The following ZFHX3 variants were observed in gnomAD, a reference collection of about 807,000 sequenced individuals.
The protein encoded by ZFHX3 is zinc finger homeobox 3.
Under a neutral mutation model 279.1 loss-of-function variants are expected in ZFHX3, and 42 were observed. The ratio of observed to expected loss-of-function variants is 0.15; its 90% CI spans 0.12 to 0.19. ZFHX3 has a LOEUF of 0.19. ZFHX3 is among the 10% of genes least tolerant of loss of function. The pLI, the probability that ZFHX3 is intolerant of heterozygous loss-of-function variation, is 1.00. For missense variants in ZFHX3, 4,981 were observed against 4,754.0 expected (o/e 1.05, Z -1.40); for synonymous variants, 2,293 against 1,957.8 (o/e 1.17, Z -4.52).
At chr16:73,682,187 T>C (rs906577214) in intron 1 of ZFHX3, among the ~76,000 whole-genome samples, 1 of 152,336 alleles carries the variant, frequency 6.6e-6, no homozygotes, top group Admixed American at 6.5e-5. Flanking sequence ...TAAGGTAATA[T>C]TTGGAAATTG....
At chr16:73,637,230 CTT>C (rs1215790905) in intron 2 of ZFHX3, among the ~76,000 whole-genome samples, 9 of 121,644 alleles carry the variant, frequency 7.4e-5, no homozygotes, top group Non-Finnish European at 7.0e-5. Flanking sequence ...TTTTTTTGTT[CTT>C]TTTTTTTTTT....
At chr16:73,420,050 G>A (rs2017687215) in intron 3 of ZFHX3, 1 of 151,834 alleles carries the variant, frequency 6.6e-6, no homozygotes, top group Non-Finnish European at 1.5e-5. Context: ...GGGACTAAAG[G>A]CATGCACCAC....
At chr16:72,992,441 TC>T (rs2144573457) in intron 1 of ZFHX3, among the ~76,000 whole-genome samples, 1 of 152,312 alleles carries the variant, frequency 6.6e-6, no homozygotes, top group South Asian at 2.1e-4. Flanking sequence ...CTCCAAGCTC[TC>T]CCTGTAAACG....
At chr16:73,037,280 T>C (rs1234262635) in intron 1 of ZFHX3, among the ~76,000 whole-genome samples, 1 of 152,108 alleles carries the variant, frequency 6.6e-6, no homozygotes, top group Non-Finnish European at 1.5e-5. Context: ...TCCATGAAAT[T>C]TCATGGTTAC....
intron 3 of ZFHX3, among the ~76,000 whole-genome samples, chr16:73,392,331 G>T (rs902633685): frequency 7.1e-6 from 1 of 140,118 alleles, no homozygotes; most frequent in Non-Finnish European, 1.5e-5. Context: ...TGAGGCACGG[G>T]ACCCTTGAAC....
chr16:73,433,995 G>T (rs759232522), intron 3 of ZFHX3, among the ~76,000 whole-genome samples: 2 of 152,086 alleles, frequency 1.3e-5, no homozygotes, highest in Admixed American at 6.5e-5. Flanking sequence ...CTTCTGGGAG[G>T]GGGGCGAGCT....
chr16:72,784,547 ATATAT>A lies in ZFHX3; in HGVS notation c.*2612_*2616del, dbSNP rs2035269684. ...ATACAACAGTTAAATGGCAAAAAAT[ATATAT>A]ATATATATTTCATAGAGTTACAAAC... On this transcript the variant is annotated 3_prime_UTR_variant, in exon 10 of 10. Transcript: ENST00000268489. The A allele has an allele frequency of 1.3e-5, 2 of 150,712 alleles. No individual in the cohort carries two copies. Among genetic ancestry groups the A allele is most frequent in the South Asian group, 2.1e-4 (1 of 4,808 alleles). 9.3% of individuals were successfully genotyped at this position (150,712 alleles called of 1,614,324 possible). A position where few individuals can be genotyped will look rare whatever the true frequency, so the allele number is the denominator to read the frequency against.
intron 2 of ZFHX3, among the ~76,000 whole-genome samples, chr16:73,666,983 T>C (rs375405655): frequency 6.6e-6 from 1 of 151,932 alleles, no homozygotes; most frequent in Non-Finnish European, 1.5e-5. Flanking sequence ...TGTACAGATA[T>C]ACAACTTATT....
intron 4 of ZFHX3, among the ~76,000 whole-genome samples, chr16:72,875,550 C>A (rs1307099121): frequency 6.6e-6 from 1 of 152,368 alleles, no homozygotes; most frequent in South Asian, 2.1e-4. Context: ...ATTCAGGGAA[C>A]TGGAGTTGCA....
rs371548816 is a variant in ZFHX3, at chr16:73,646,346, G to GAT, written c.-1547+33832_-1547+33833dup. Among the ~76,000 whole-genome samples, 176 of 151,950 alleles carry GAT rather than the reference G, an allele frequency of 1.2e-3. 3 individuals carry two copies. The highest frequency in any genetic ancestry group is 4.0e-3 in the African/African-American group (166 of 41,452). The stretch of plus-strand genomic sequence containing the variant: ...TGAGGGTACCCACCTCATAATCTAA[G>GAT]ATATATGACCAAAATGATACACAGA... On this transcript the variant is annotated intron_variant, in intron 2 of 17. Transcript: ENST00000641206.
intron 5 of ZFHX3, among the ~76,000 whole-genome samples, chr16:73,226,048 A>G (rs1301636404): frequency 6.6e-6 from 1 of 152,330 alleles, no homozygotes; most frequent in South Asian, 2.1e-4. Context: ...TTCATAAAAT[A>G]CACGACTTAA....
At chr16:72,968,742 C>A (rs952018615) in intron 1 of ZFHX3, among the ~76,000 whole-genome samples, 3 of 152,176 alleles carry the variant, frequency 2.0e-5, no homozygotes, top group African/African-American at 7.2e-5. Context: ...AGATTACAGG[C>A]ATGAGCCACT....
intron 2 of ZFHX3, among the ~76,000 whole-genome samples, chr16:73,596,900 T>C (rs1490391883): frequency 6.6e-6 from 1 of 152,198 alleles, no homozygotes; most frequent in Admixed American, 6.5e-5. Context: ...TCTTCTGCCA[T>C]ATTGATTCTA....
intron 1 of ZFHX3, among the ~76,000 whole-genome samples, chr16:72,977,029 C>A (rs1962380281): frequency 6.6e-6 from 1 of 152,320 alleles, no homozygotes; most frequent in South Asian, 2.1e-4. Flanking sequence ...GCATGCCATC[C>A]CACAAATGGT....
intron 4 of ZFHX3, among the ~76,000 whole-genome samples, chr16:73,291,455 G>C (rs1023490828): frequency 6.6e-6 from 1 of 152,220 alleles, no homozygotes; most frequent in Non-Finnish European, 1.5e-5. Flanking sequence ...GTCCTCCAGA[G>C]ATACGTGTGA....
At chr16:73,312,923 T>C (rs1193959905) in intron 4 of ZFHX3, among the ~76,000 whole-genome samples, 1 of 152,224 alleles carries the variant, frequency 6.6e-6, no homozygotes, top group Admixed American at 6.5e-5. Flanking sequence ...AGATAAGTTT[T>C]GGGTAGGTCA....
At chr16:73,274,171 C>A (rs1277105295) in intron 4 of ZFHX3, among the ~76,000 whole-genome samples, 1 of 152,098 alleles carries the variant, frequency 6.6e-6, no homozygotes, top group African/African-American at 2.4e-5. Flanking sequence ...ATAGTTATTA[C>A]CAAATTGCCT....
At chr16:73,484,001 G>C (rs2018925330) in intron 2 of ZFHX3, among the ~76,000 whole-genome samples, 1 of 147,012 alleles carries the variant, frequency 6.8e-6, no homozygotes, top group Non-Finnish European at 1.5e-5. Context: ...TAAGAAAACA[G>C]TCTGAAATCC....
intron 3 of ZFHX3, among the ~76,000 whole-genome samples, chr16:73,424,875 G>T (rs1448281538): frequency 2.0e-5 from 3 of 151,404 alleles, no homozygotes; most frequent in Admixed American, 6.6e-5. Context: ...TAAAGCAAAA[G>T]AGTTCGTTAT....
Sources: allele counts gnomAD v4.1 joint callset (sites outside exome capture counted in the v4.1 genomes callset), GRCh38; gene constraint gnomAD v4.1.1; transcripts MANE v1.5; gene names NCBI Gene and HGNC (gene_info 2026-07-23, HGNC 2026-07-21).